WWC2: variants seen among roughly 807,000 people sequenced by gnomAD.
The protein encoded by WWC2 is protein WWC2.
In WWC2, 101 loss-of-function variants were observed where a neutral mutation model predicts 138.5. The ratio of observed to expected loss-of-function variants is 0.73; its 90% CI spans 0.62 to 0.86. The LOEUF (loss-of-function observed/expected upper bound fraction) is 0.86, where lower values mean the gene tolerates loss of function less well. Among genes scored for constraint, WWC2 ranks in the 40% least tolerant of loss-of-function variants. The pLI is 0.00. For missense variants in WWC2, 1,420 were observed against 1,419.4 expected (o/e 1.00, Z -0.01); for synonymous variants, 558 against 538.4 (o/e 1.04, Z -0.50).
At chr4:183,249,760 A>G (rs1344800078) in intron 7 of WWC2, among the ~76,000 whole-genome samples, 160 bp from the exon 8 acceptor site, 3 of 152,326 alleles carry the variant, frequency 2.0e-5, no homozygotes, top group Admixed American at 6.5e-5. Context: ...TTTTGCCCCT[A>G]CTGAGACAAT....
At chr4:183,248,440 C>T (rs1453914226) in intron 6 of WWC2, among the ~76,000 whole-genome samples, 1 of 152,042 alleles carries the variant, frequency 6.6e-6, no homozygotes. Flanking sequence ...ATAAGACATG[C>T]ATGTATTTTA....
intron 19 of WWC2, 42 bp from the exon 20 acceptor site, chr4:183,285,924 GT>G: frequency 6.5e-7 from 1 of 1,529,978 alleles, no homozygotes. Context: ...CTTGCACTCT[GT>G]TTGATATGCA....
intron 21 of WWC2, among the ~76,000 whole-genome samples, chr4:183,302,232 G>T (rs1484689743): frequency 1.3e-5 from 2 of 152,202 alleles, no homozygotes; most frequent in African/African-American, 4.8e-5. Flanking sequence ...CATAGTCAAA[G>T]ATCTTGTCTT....
chr4:183,109,615 A>T (rs1004743533), intron 1 of WWC2, among the ~76,000 whole-genome samples: 1 of 152,210 alleles, frequency 6.6e-6, no homozygotes, highest in Non-Finnish European at 1.5e-5. Context: ...ATGAGAATCT[A>T]ATGCCACCAC....
chr4:183,304,218 T>A (rs1038016849), intron 21 of WWC2, among the ~76,000 whole-genome samples: 1 of 151,944 alleles, frequency 6.6e-6, no homozygotes, highest in Non-Finnish European at 1.5e-5. Context: ...GAACAAAGAA[T>A]CACAACTTAC....
intron 1 of WWC2, among the ~76,000 whole-genome samples, chr4:183,108,100 G>A (rs190052468): frequency 1.3e-5 from 2 of 152,202 alleles, no homozygotes; most frequent in Admixed American, 6.5e-5. Flanking sequence ...TATGTGCAAT[G>A]TATATACATC....
Position 183,320,596 on chromosome 4 carries a change from T to G in WWC2, c.*4867T>G, listed in dbSNP as rs763403548. The G allele has an allele frequency of 3.1e-5, 7 of 227,836 alleles. No individual in the cohort carries two copies. Among genetic ancestry groups the G allele is most frequent in the Non-Finnish European group, 6.6e-5 (7 of 105,792 alleles). The allele number at this position is 227,836 out of a possible 1,614,324, so 14.1% of individuals were successfully genotyped here. On this transcript the variant is annotated 3_prime_UTR_variant, in exon 23 of 23. Transcript: ENST00000403733. ...AGAATTAAGTCTAAATGCAAAATGT[T>G]TAACTGATGGTTTTGGTTCAACTCC...
intron 1 of WWC2, among the ~76,000 whole-genome samples, chr4:183,170,001 G>C (rs1199929006): frequency 6.6e-6 from 1 of 152,148 alleles, no homozygotes; most frequent in Non-Finnish European, 1.5e-5. Flanking sequence ...CAAAAGAACA[G>C]TATCATTCAA....
intron 1 of WWC2, among the ~76,000 whole-genome samples, chr4:183,102,506 C>T (rs890850121): frequency 6.6e-6 from 1 of 152,186 alleles, no homozygotes; most frequent in African/African-American, 2.4e-5. Flanking sequence ...AGAGAAGTAG[C>T]CCTTGTTAAG....
chr4:183,278,769 GCT>G (rs1052168509), intron 16 of WWC2, among the ~76,000 whole-genome samples: 90 of 151,728 alleles, frequency 5.9e-4, no homozygotes, highest in African/African-American at 2.1e-3. Flanking sequence ...TCCTGATTTG[GCT>G]CTCTGTTTGT....
chr4:183,320,085 T>C lies in WWC2; in HGVS notation c.*4356T>C. On this transcript the variant is annotated 3_prime_UTR_variant, in exon 23 of 23. Transcript: ENST00000403733. ...GGTTTGCCAGAGTCCCATGGTCCAG[T>C]TTTCCATTTCATTTAAGTCCAGGTT... is the stretch of plus-strand genomic sequence containing the variant. The C allele has an allele frequency of 6.2e-7, 1 of 1,614,064 alleles. No homozygotes were observed. Among genetic ancestry groups the C allele is most frequent in the Non-Finnish European group, 8.5e-7 (1 of 1,180,024 alleles).
At chr4:183,193,519 C>T (rs1186924680) in intron 1 of WWC2, 80 bp from the exon 2 acceptor site, 2 of 1,231,010 alleles carry the variant, frequency 1.6e-6, no homozygotes, top group Non-Finnish European at 2.4e-6. Flanking sequence ...AACCTAGACA[C>T]TTGTGGTTAG....
intron 22 of WWC2, among the ~76,000 whole-genome samples, chr4:183,315,371 C>T (rs1056330120): frequency 2.0e-5 from 3 of 152,152 alleles, no homozygotes; most frequent in Admixed American, 6.5e-5. Context: ...CATCCTAGAC[C>T]AAACCCCTAC....
chr4:183,169,698 T>C (rs1734224799), intron 1 of WWC2, among the ~76,000 whole-genome samples: 2 of 152,278 alleles, frequency 1.3e-5, no homozygotes, highest in Admixed American at 1.3e-4. Context: ...ATAAGCCTAA[T>C]TTGTTTATAT....
intron 1 of WWC2, among the ~76,000 whole-genome samples, chr4:183,188,039 A>G (rs1033877104): frequency 5.9e-5 from 9 of 152,236 alleles, no homozygotes; most frequent in Non-Finnish European, 1.2e-4. Context: ...AAAAATTAGT[A>G]TGTCACAAAA....
At chr4:183,265,343 A>G (rs1737467805) in intron 12 of WWC2, among the ~76,000 whole-genome samples, 1 of 152,192 alleles carries the variant, frequency 6.6e-6, no homozygotes, top group African/African-American at 2.4e-5. Flanking sequence ...TAGAATTTAA[A>G]AACCTTGAAT....
chr4:183,191,931 G>A (rs890308371), intron 1 of WWC2, among the ~76,000 whole-genome samples: 3 of 151,952 alleles, frequency 2.0e-5, no homozygotes, highest in East Asian at 1.9e-4. Context: ...TCACTGTGTC[G>A]CCCAGGCTGG....
intron 1 of WWC2, among the ~76,000 whole-genome samples, chr4:183,161,247 T>C (rs754024658): frequency 5.3e-5 from 8 of 152,206 alleles, no homozygotes; most frequent in Non-Finnish European, 1.0e-4. Flanking sequence ...AAAGAAAATG[T>C]GAAAATCTGC....
At chr4:183,175,362 G>C (rs1734433516) in intron 1 of WWC2, among the ~76,000 whole-genome samples, 2 of 151,998 alleles carry the variant, frequency 1.3e-5, no homozygotes, top group South Asian at 4.2e-4. Flanking sequence ...CCTGGGCTCA[G>C]GTGATCCTCC....
Sources: gnomAD v4.1 joint callset for allele counts (sites outside exome capture counted in the v4.1 genomes callset) on GRCh38, gnomAD v4.1.1 for gene constraint, MANE v1.5 for transcripts, NCBI Gene and HGNC (gene_info 2026-07-23, HGNC 2026-07-21) for gene names.